Variants in FBXO42 observed in about 807,000 individuals in gnomAD.
FBXO42 encodes the protein F-box only protein 42.
Under a neutral mutation model 71.7 loss-of-function variants are expected in FBXO42, and 12 were observed. The ratio of observed to expected loss-of-function variants is 0.17; its 90% confidence interval spans 0.11 to 0.27. The LOEUF (loss-of-function observed/expected upper bound fraction) is 0.27. Ranked by LOEUF, FBXO42 falls within the 10% of genes least tolerant of loss-of-function variation. The probability of loss-of-function intolerance (pLI) is 1.00; values close to 1 mark genes in which losing one functional copy is unlikely to be tolerated. For missense variants in FBXO42, 707 were observed against 911.9 expected, an observed-to-expected ratio of 0.78 and a Z score of 2.89; for synonymous variants, 325 against 327.5, an observed-to-expected ratio of 0.99 and a Z score of 0.08.
At chr1:16,318,333 G>A (rs1187495234) in intron 1 of FBXO42, among the ~76,000 whole-genome samples, 6 of 151,978 alleles carry the variant, frequency 3.9e-5, no homozygotes, top group African/African-American at 7.3e-5. Context: ...CAGGAGAATC[G>A]CTTGAACCCA....
At chr1:16,256,061 G>C (rs2081640532) in intron 5 of FBXO42, among the ~76,000 whole-genome samples, 1 of 152,174 alleles carries the variant, frequency 6.6e-6, no homozygotes, top group African/African-American at 2.4e-5. Context: ...ACGATGACAA[G>C]AGACAAGATC....
intron 1 of FBXO42, among the ~76,000 whole-genome samples, chr1:16,331,419 AG>A (rs2082499404): frequency 3.0e-5 from 4 of 132,152 alleles, no homozygotes; most frequent in Admixed American, 7.4e-5. Context: ...TGTCTCAAAA[AG>A]AAAATAATAA....
chr1:16,322,838 T>C (rs1333237614), intron 1 of FBXO42, among the ~76,000 whole-genome samples: 1 of 152,136 alleles, frequency 6.6e-6, no homozygotes, highest in East Asian at 1.9e-4. Flanking sequence ...ATAGTAGATA[T>C]CAAGAAACTA....
chr1:16,289,069 T>C (rs368798836), intron 4 of FBXO42, among the ~76,000 whole-genome samples: 173 of 151,976 alleles, frequency 1.1e-3, no homozygotes, highest in African/African-American at 4.0e-3. Flanking sequence ...CCTTCCTTCA[T>C]TTCCTAAATA....
intron 4 of FBXO42, among the ~76,000 whole-genome samples, chr1:16,264,160 C>T (rs1344062399): frequency 6.6e-6 from 1 of 152,138 alleles, no homozygotes; most frequent in Non-Finnish European, 1.5e-5. Context: ...CAAGTAATGA[C>T]TTTGAAGAAC....
chr1:16,286,689 G>T lies in FBXO42; in HGVS notation c.502+8094C>A, dbSNP rs894008625. On this transcript the variant is annotated intron_variant, in intron 4 of 9. Coordinates refer to ENST00000375592, the MANE Select transcript of FBXO42 (RefSeq NM_018994.3). ...ACTCCATATACATATATCTCCACCT[G>T]GATGTCCTAATAAGCGTCTCAAACT... is the stretch of plus-strand genomic sequence containing the variant. 2.0e-5 allele frequency among the ~76,000 whole-genome samples: 3 copies of T among 152,106 alleles called. No individual in the cohort carries two copies. In the South Asian group the frequency reaches 6.2e-4, roughly 31 times the overall value.
intron 3 of FBXO42, among the ~76,000 whole-genome samples, chr1:16,295,581 T>C (rs1569874924): frequency 6.6e-6 from 1 of 152,022 alleles, no homozygotes; most frequent in African/African-American, 2.4e-5. Flanking sequence ...TTAGTAGAGA[T>C]GGAGTTTCAC....
chr1:16,331,230 G>A (rs1157956744), intron 1 of FBXO42, among the ~76,000 whole-genome samples: 5 of 148,062 alleles, frequency 3.4e-5, no homozygotes, highest in Non-Finnish European at 7.5e-5. Context: ...TGGCTAACAC[G>A]GTGAAACCCC....
chr1:16,269,851 CTGTTTTGTTT>C (rs113133245), intron 4 of FBXO42, among the ~76,000 whole-genome samples: 10 of 149,920 alleles, frequency 6.7e-5, no homozygotes, highest in Admixed American at 4.0e-4. Flanking sequence ...TTTGTTTTTT[CTGTTTTGTTT>C]TGTTTTGTTT....
intron 3 of FBXO42, among the ~76,000 whole-genome samples, chr1:16,305,027 C>T (rs533282878): frequency 2.0e-5 from 3 of 152,276 alleles, no homozygotes; most frequent in Non-Finnish European, 4.4e-5. Flanking sequence ...TTTAGGCTGA[C>T]ACTTTTCCCT....
intron 4 of FBXO42, chr1:16,293,553 C>T (rs558150835): frequency 6.6e-6 from 1 of 152,202 alleles, no homozygotes; most frequent in East Asian, 1.9e-4. Flanking sequence ...GGACCACCAC[C>T]CTCCTACCCT....
At chr1:16,261,121 G>A (rs2081706978) in intron 4 of FBXO42, among the ~76,000 whole-genome samples, 1 of 152,218 alleles carries the variant, frequency 6.6e-6, no homozygotes, top group Non-Finnish European at 1.5e-5. Flanking sequence ...GTGTTTCAAA[G>A]CTGAAGAAGT....
intron 3 of FBXO42, among the ~76,000 whole-genome samples, chr1:16,301,677 A>C (rs1487396016): frequency 2.2e-5 from 3 of 139,446 alleles, no homozygotes; most frequent in East Asian, 2.0e-4. Flanking sequence ...TCTCAAAAAA[A>C]AAAAAACAAC....
At chr1:16,351,311 A>G (rs1249421933) in intron 1 of FBXO42, among the ~76,000 whole-genome samples, 2 of 152,186 alleles carry the variant, frequency 1.3e-5, no homozygotes, top group African/African-American at 4.8e-5. Context: ...TAGCATTTAA[A>G]CAGCAATAAA....
chr1:16,274,353 C>T (rs2081875690), intron 4 of FBXO42, among the ~76,000 whole-genome samples: 1 of 151,398 alleles, frequency 6.6e-6, no homozygotes, highest in Non-Finnish European at 1.5e-5. Flanking sequence ...AAGAACAGAA[C>T]AAAGCCACAG....
intron 4 of FBXO42, among the ~76,000 whole-genome samples, chr1:16,272,150 G>A (rs1188896604): frequency 6.0e-5 from 6 of 99,404 alleles, no homozygotes; most frequent in East Asian, 3.1e-4. Context: ...GCAAGACTCC[G>A]TCCCAAAAAA....
chr1:16,255,349 T>C (rs1388050628), intron 6 of FBXO42, among the ~76,000 whole-genome samples: 2 of 152,052 alleles, frequency 1.3e-5, no homozygotes, highest in East Asian at 3.9e-4. Flanking sequence ...TTTTTTTTTT[T>C]TTTCCTTAAG....
intron 6 of FBXO42, among the ~76,000 whole-genome samples, chr1:16,254,734 T>C: frequency 6.6e-6 from 1 of 152,178 alleles, no homozygotes; most frequent in Non-Finnish European, 1.5e-5. Flanking sequence ...ACAGGGGGAA[T>C]GACCACAACT....
chr1:16,309,680 G>A (rs2082291848), intron 2 of FBXO42, among the ~76,000 whole-genome samples: 1 of 151,942 alleles, frequency 6.6e-6, no homozygotes, highest in African/African-American at 2.4e-5. Context: ...AGGATAACTT[G>A]AGCCCAGGAG....
Sources: allele counts gnomAD v4.1 joint callset (sites outside exome capture counted in the v4.1 genomes callset), GRCh38; gene constraint gnomAD v4.1.1; transcripts MANE v1.5; gene names NCBI Gene and HGNC (gene_info 2026-07-23, HGNC 2026-07-21).